The following ITGB7 variants were observed in gnomAD, a reference collection of about 807,000 sequenced individuals.
ITGB7 encodes integrin subunit beta 7, also known as integrin beta-7.
ITGB7 carries 55 observed loss-of-function variants against 83.4 expected under a neutral mutation model. That is an observed-to-expected ratio of 0.66 (90% CI 0.53 to 0.83). ITGB7 has a LOEUF of 0.83. Ranked by LOEUF, ITGB7 falls within the 40% of genes least tolerant of loss-of-function variation. The probability of loss-of-function intolerance (pLI) is 0.00; values close to 1 mark genes in which losing one functional copy is unlikely to be tolerated. For synonymous variants in ITGB7, 454 were observed against 423.6 expected, an observed-to-expected ratio of 1.07 and a Z score of -0.88; for missense variants, 921 against 1,046.7, an observed-to-expected ratio of 0.88 and a Z score of 1.66.
intron 3 of ITGB7, among the ~76,000 whole-genome samples, chr12:53,198,253 C>T (rs931399632): frequency 6.6e-6 from 1 of 152,170 alleles, no homozygotes; most frequent in East Asian, 1.9e-4. Flanking sequence ...CCTCAGCCTC[C>T]CGGTAGCTGG....
intron 3 of ITGB7, among the ~76,000 whole-genome samples, chr12:53,198,761 A>G (rs1372062348): frequency 6.6e-6 from 1 of 152,192 alleles, no homozygotes; most frequent in African/African-American, 2.4e-5. Context: ...AGCTCACACC[A>G]AAATGGGAAG....
At chr12:53,197,466 C>G (rs778393499) in intron 5 of ITGB7, 27 bp downstream of exon 5, 40 of 1,613,880 alleles carry the variant, frequency 2.5e-5, no homozygotes, top group Non-Finnish European at 3.4e-5. Flanking sequence ...CAAGGGCTAA[C>G]AGGGCGGGAG....
rs891168024 is a variant in ITGB7 at position 53,197,670 on chromosome 12, G to C, written c.404-7C>G. On this transcript the variant is annotated splice_polypyrimidine_tract_variant and splice_region_variant and intron_variant, in intron 4 of 15. Transcript: ENST00000267082. ...TGGAGCTGCTGGGGCTCCCCTAGGGGGTGGGCGGCGGGCGGGTCAGCAGAG... is the reference window on the plus strand; with the variant it reads ...TGGAGCTGCTGGGGCTCCCCTAGGGCGTGGGCGGCGGGCGGGTCAGCAGAG... The C allele has an allele frequency of 6.2e-7, 1 of 1,612,978 alleles. No individual in the cohort carries two copies. Among genetic ancestry groups the C allele is most frequent in the Non-Finnish European group, 8.5e-7 (1 of 1,179,552 alleles).
intron 1 of ITGB7, among the ~76,000 whole-genome samples, chr12:53,205,879 C>A (rs536291786): frequency 6.6e-6 from 1 of 152,304 alleles, no homozygotes; most frequent in East Asian, 1.9e-4. Context: ...TATAACGGAG[C>A]CTCCACCCCT....
chr12:53,198,086 C>T, intron 3 of ITGB7, 135 bp from the exon 4 acceptor site: 1 of 616,876 alleles, frequency 1.6e-6, no homozygotes, highest in Non-Finnish European at 2.7e-6. Context: ...TGATTCCCTC[C>T]CCTCTTCCTC....
chr12:53,200,477 G>A (rs1351030846), intron 2 of ITGB7, 31 bp from the exon 3 acceptor site: 1 of 1,592,322 alleles, frequency 6.3e-7, no homozygotes, highest in Non-Finnish European at 8.6e-7. Context: ...GGACATGTGG[G>A]TCCTCAGGGA....
At position 53,196,915 on chromosome 12, in the gene ITGB7, C is replaced by T. The variant is rs1233426908; in HGVS notation, c.575-95G>A. 2.2e-5 allele frequency: 31 copies of T among 1,431,988 alleles called. No individual in the cohort carries two copies. In the South Asian group the frequency reaches 2.7e-4, roughly 12 times the overall value. The allele number at this position is 1,431,988 out of a possible 1,614,324, so 88.7% of individuals were successfully genotyped here. A position where few individuals can be genotyped will look rare whatever the true frequency, so the allele number is the denominator to read the frequency against. On this transcript the variant is annotated intron_variant, in intron 5 of 15. Transcript: ENST00000267082. The stretch of plus-strand genomic sequence containing the variant: ...TCTATGGGAAGTGGGGTGGGGAGGA[C>T]GGTGATGGGAGAGGGTGCACCTAGG...
In ITGB7 at chr12:53,200,340, C is replaced by T. The variant is rs61730602; in HGVS notation, c.104G>A (p.Arg35Gln). 2,262 of 1,614,154 alleles carry T rather than the reference C, an allele frequency of 1.4e-3. 5 individuals carry two copies. The highest frequency in any genetic ancestry group is 2.5e-3 in the Admixed American group (148 of 60,022). ...IPSTGDATEW[R>Q]NPHLSMLGSC... ...CCCCAGCATGGACAGGTGAGGATTC[C>T]GCCATTCTGTGGCATCCCCTGTGGA... is the stretch of plus-strand genomic sequence containing the variant. Residue 35 changes from arginine (R) to glutamine (Q), a missense_variant, in exon 3 of 16, where the codon CGG becomes CAG. Physicochemically the swap from Arg to Gln is conservative, Grantham distance 43. Transcript: ENST00000267082.
At chr12:53,205,076 C>T (rs1429399764) in intron 1 of ITGB7, among the ~76,000 whole-genome samples, 7 of 152,086 alleles carry the variant, frequency 4.6e-5, no homozygotes, top group African/African-American at 1.7e-4. Context: ...CCACCCACCT[C>T]GGCCTCCCAA....
chr12:53,203,920 G>A (rs563114925), intron 1 of ITGB7, among the ~76,000 whole-genome samples: 5 of 152,082 alleles, frequency 3.3e-5, no homozygotes, highest in East Asian at 3.8e-4. Flanking sequence ...TATATACTCA[G>A]AAGAATTGAA....
chr12:53,193,422 T>C, intron 11 of ITGB7, 59 bp from the exon 12 acceptor site: 1 of 1,274,926 alleles, frequency 7.8e-7, no homozygotes, highest in South Asian at 1.5e-5. Flanking sequence ...CCCTGACTTG[T>C]CTCTCCCAGG....
intron 14 of ITGB7, 57 bp from the exon 15 acceptor site, chr12:53,192,076 A>C: frequency 6.4e-7 from 1 of 1,566,874 alleles, no homozygotes; most frequent in Non-Finnish European, 8.7e-7. Flanking sequence ...ACAGATCATC[A>C]GTTGCTCACA....
In ITGB7 at chr12:53,192,812, C is replaced by G; in HGVS notation, c.1825G>C (p.Glu609Gln). The G allele has an allele frequency of 6.2e-7, 1 of 1,614,218 alleles. No individual in the cohort carries two copies. The highest frequency in any genetic ancestry group is 8.5e-7 in the Non-Finnish European group (1 of 1,180,030). ...CCATGCCCACTGCAGAGCCCTCCCT[C>G]GGGACTGATGCAACTGTCCATGTCC... Reference protein sequence around the residue: ...SGDMDSCISPEGGLCSGHGRC... With the variant: ...SGDMDSCISPQGGLCSGHGRC... The change falls in exon 13 of 16, where the codon GAG (glutamate) becomes CAG (glutamine). Residue 609 changes from glutamate to glutamine, a missense_variant. By Grantham distance (29) the Glu-to-Gln change is conservative. Transcript: ENST00000267082.
Position 53,193,835 on chromosome 12 carries a change from C to T in ITGB7, c.1375G>A (p.Ala459Thr). The T allele has an allele frequency of 6.2e-7, 1 of 1,614,052 alleles. No individual in the cohort carries two copies. Among genetic ancestry groups the T allele is most frequent in the South Asian group, 1.1e-5 (1 of 91,082 alleles). Residue 459 changes from alanine to threonine, a missense_variant, in exon 11 of 16, where the codon GCC becomes ACC. Ala to Thr is a moderately conservative substitution (Grantham distance 58). Transcript: ENST00000267082. ...ATCAGCTCCTCTGAGAAGCCAAGGG[C>T]CCGGAGCCTCAGGAGATGGGGCTCT... ...LPEPHLLRLR[A>T]LGFSEELIVE...
At position 53,192,447 on chromosome 12, in the gene ITGB7, C is replaced by T; in HGVS notation, c.2038G>A (p.Ala680Thr). The T allele has an allele frequency of 1.9e-6, 3 of 1,614,154 alleles. No homozygotes were observed. The highest frequency in any genetic ancestry group is 1.6e-4 in the Middle Eastern group (1 of 6,062). ...CACCAGCCATCATCCAAGATAGGGG[C>T]CAAGGCCAGGGTCACATTGGTATGG... ...CAHTNVTLAL[A>T]PILDDGWCKE... Residue 680 changes from alanine to threonine, a missense_variant, in exon 14 of 16, where the codon GCC becomes ACC. By Grantham distance (58) the Ala-to-Thr change is moderately conservative. Coordinates refer to ENST00000267082, the MANE Select transcript of ITGB7 (RefSeq NM_000889.3).
rs367879540 is a variant in ITGB7 at position 53,194,208 on chromosome 12, A to C, written c.1298T>G (p.Ile433Ser). Residue 433 changes from isoleucine (I) to serine (S), a missense_variant, in exon 10 of 16, where the codon ATC becomes AGC. Physicochemically the swap from Ile to Ser is moderately radical, Grantham distance 142 (BLOSUM62 -2). Coordinates refer to ENST00000267082, the MANE Select transcript of ITGB7 (RefSeq NM_000889.3). ...EDRGQCNHVR[I>S]NQTVTFWVSL... ...CTTGCTGGCTCTCACCGTCTGGTTG[A>C]TTCGGACGTGGTTGCACTGTCCTCG... is the stretch of plus-strand genomic sequence containing the variant. The C allele has an allele frequency of 1.1e-5, 17 of 1,613,828 alleles. No individual in the cohort carries two copies. The African/African-American group carries it at 1.7e-4, about 16-fold the overall frequency.
In ITGB7 at chr12:53,194,236, C is replaced by T. The variant is rs908705046; in HGVS notation, c.1270G>A (p.Asp424Asn). The change falls in exon 10 of 16, where the codon GAT (aspartate) becomes AAT (asparagine). Residue 424 changes from aspartate to asparagine, a missense_variant. Coordinates refer to ENST00000267082, the MANE Select transcript of ITGB7 (RefSeq NM_000889.3). Reference sequence around the variant, plus strand: ...CGGACGTGGTTGCACTGTCCTCGATCCTCAGCCTTACCCTCCCTCTTCTCA... The same window carrying T: ...CGGACGTGGTTGCACTGTCCTCGATTCTCAGCCTTACCCTCCCTCTTCTCA... ...GPEKREGKAE[D>N]RGQCNHVRIN... is the part of the protein sequence containing the mutation. The T allele has an allele frequency of 2.5e-6, 4 of 1,614,000 alleles. No homozygotes were observed. Among genetic ancestry groups the T allele is most frequent in the Non-Finnish European group, 2.5e-6 (3 of 1,180,034 alleles).
At chr12:53,195,745 GT>G (rs1444857676) in intron 7 of ITGB7, 24 bp from the exon 8 acceptor site, 1 of 1,580,680 alleles carries the variant, frequency 6.3e-7, no homozygotes, top group Non-Finnish European at 8.7e-7. Flanking sequence ...CAGGGACAAG[GT>G]GAGCCCCACA....
In ITGB7 at chr12:53,193,761, G is replaced by C; in HGVS notation, c.1449C>G (p.Pro483=). The C allele has an allele frequency of 6.2e-7, 1 of 1,614,010 alleles. No homozygotes were observed. The highest frequency in any genetic ancestry group is 8.5e-7 in the Non-Finnish European group (1 of 1,179,982). The change falls in exon 11 of 16, where the codon CCC becomes CCG. Residue 483 remains proline (P), a synonymous_variant. Coordinates refer to ENST00000267082, the MANE Select transcript of ITGB7 (RefSeq NM_000889.3). The part of the protein sequence containing the change: ...LCDCNCSDTQ[P]QAPHCSDGQG... ...GGCCATCACTGCAGTGGGGAGCCTG[G>C]GGCTGGGTGTCACTGCAATTACAGT...
Sources: allele counts gnomAD v4.1 joint callset (sites outside exome capture counted in the v4.1 genomes callset), GRCh38; gene constraint gnomAD v4.1.1; transcripts MANE v1.5; gene names NCBI Gene and HGNC (gene_info 2026-07-23, HGNC 2026-07-21).